The following CCDC91 variants were observed in gnomAD, a reference collection of about 807,000 sequenced individuals.
CCDC91 encodes coiled-coil domain containing 91.
In CCDC91, 48 loss-of-function variants were observed where a neutral mutation model predicts 63.2. That is an observed-to-expected ratio of 0.76 (90% CI 0.60 to 0.97). The LOEUF is 0.97. Ranked by LOEUF, CCDC91 falls within the 50% of genes least tolerant of loss-of-function variation. CCDC91 has a pLI of 0.00. For synonymous variants in CCDC91, 167 were observed against 165.8 expected, an observed-to-expected ratio of 1.01 and a Z score of -0.06; for missense variants, 500 against 494.6, an observed-to-expected ratio of 1.01 and a Z score of -0.10.
intron 1 of CCDC91, among the ~76,000 whole-genome samples, chr12:28,200,548 C>G (rs2121437077): frequency 6.8e-6 from 1 of 146,322 alleles, no homozygotes; most frequent in African/African-American, 2.5e-5. Flanking sequence ...CGCCCTTAAT[C>G]CATTTAACCC....
intron 12 of CCDC91, among the ~76,000 whole-genome samples, chr12:28,535,873 C>CA (rs1197445986): frequency 1.3e-5 from 2 of 151,738 alleles, no homozygotes; most frequent in Non-Finnish European, 2.9e-5. Context: ...CTAAAAAATA[C>CA]AAAAATTTAG....
At chr12:28,202,424 T>C (rs1445293237) in intron 1 of CCDC91, among the ~76,000 whole-genome samples, 1 of 152,264 alleles carries the variant, frequency 6.6e-6, no homozygotes, top group Non-Finnish European at 1.5e-5. Flanking sequence ...TTTCTTCTTG[T>C]TGCTGCTCTT....
At chr12:28,235,802 T>G (rs1944904569) in intron 1 of CCDC91, among the ~76,000 whole-genome samples, 1 of 143,830 alleles carries the variant, frequency 7.0e-6, no homozygotes, top group Admixed American at 6.9e-5. Context: ...TTTATAAGTA[T>G]TTTTTTTTTT....
At chr12:28,364,858 C>A (rs1434872881) in intron 7 of CCDC91, among the ~76,000 whole-genome samples, 1 of 152,038 alleles carries the variant, frequency 6.6e-6, no homozygotes. Context: ...TACCTTTTTT[C>A]CATATTATTA....
At chr12:28,462,232 A>G (rs1452681972) in intron 11 of CCDC91, among the ~76,000 whole-genome samples, 2 of 152,132 alleles carry the variant, frequency 1.3e-5, no homozygotes, top group Admixed American at 1.3e-4. Flanking sequence ...ACCATTGTGG[A>G]ACAGAACATG....
chr12:28,323,842 T>C (rs1458782423), intron 6 of CCDC91, among the ~76,000 whole-genome samples: 1 of 151,864 alleles, frequency 6.6e-6, no homozygotes, highest in Admixed American at 6.6e-5. Context: ...TAACATGACC[T>C]GTGTGAAAAA....
intron 8 of CCDC91, among the ~76,000 whole-genome samples, chr12:28,431,159 G>T (rs73085939): frequency 0.013 from 1,961 of 152,162 alleles, 13 homozygotes; most frequent in Middle Eastern, 0.017. Context: ...CTACTATTGG[G>T]TGAGTTTCCA....
chr12:28,441,237 A>G (rs2140213582), intron 8 of CCDC91, among the ~76,000 whole-genome samples: 1 of 152,156 alleles, frequency 6.6e-6, no homozygotes, highest in Admixed American at 6.5e-5. Flanking sequence ...AATTTAACAG[A>G]CTGAAATCAC....
chr12:28,323,717 G>A (rs993911391), intron 6 of CCDC91, among the ~76,000 whole-genome samples: 1 of 151,798 alleles, frequency 6.6e-6, no homozygotes, highest in African/African-American at 2.4e-5. Context: ...TATTTTTAGG[G>A]GGAAGTCATT....
chr12:28,354,973 A>G (rs1314984540), intron 6 of CCDC91, among the ~76,000 whole-genome samples: 1 of 151,876 alleles, frequency 6.6e-6, no homozygotes. Flanking sequence ...AGGATTGCAA[A>G]CTTTGCTCTT....
At chr12:28,439,868 A>G (rs549766681) in intron 8 of CCDC91, among the ~76,000 whole-genome samples, 1 of 150,546 alleles carries the variant, frequency 6.6e-6, no homozygotes, top group South Asian at 2.1e-4. Context: ...GAGTGCCTTT[A>G]TTTTAGGTTA....
rs186241962 is a variant in CCDC91 at position 28,435,203 on chromosome 12, C to T, written c.763-14958C>T. On this transcript the variant is annotated intron_variant, in intron 8 of 12. Coordinates refer to ENST00000536442, the MANE Select transcript of CCDC91 (RefSeq NM_018318.5). Reference sequence around the variant, plus strand: ...ACTTTAATTTGCTCCTCTTTTTCTCCTAAAATGAAAGCTAAGATTATTGAT... The same window carrying T: ...ACTTTAATTTGCTCCTCTTTTTCTCTTAAAATGAAAGCTAAGATTATTGAT... Among the ~76,000 whole-genome samples, 26 of 151,480 alleles carry T rather than the reference C, an allele frequency of 1.7e-4. No individual in the cohort carries two copies. In the East Asian group the frequency reaches 3.7e-3, roughly 21 times the overall value.
chr12:28,219,198 A>G (rs186106626), intron 1 of CCDC91, among the ~76,000 whole-genome samples: 3 of 152,262 alleles, frequency 2.0e-5, no homozygotes, highest in East Asian at 1.9e-4. Flanking sequence ...CTAATTTCTA[A>G]TGATGTTGTA....
chr12:28,468,244 G>A (rs1950637662), intron 11 of CCDC91, among the ~76,000 whole-genome samples: 1 of 150,944 alleles, frequency 6.6e-6, no homozygotes, highest in Non-Finnish European at 1.5e-5. Context: ...TGAAAAAGGA[G>A]ACACTACATC....
intron 12 of CCDC91, among the ~76,000 whole-genome samples, chr12:28,518,561 C>T (rs1253850646): frequency 1.3e-5 from 2 of 151,860 alleles, no homozygotes; most frequent in Non-Finnish European, 2.9e-5. Context: ...AGTCCTTTGT[C>T]AGATGTATAG....
At chr12:28,202,378 G>A (rs1349331461) in intron 1 of CCDC91, among the ~76,000 whole-genome samples, 1 of 152,252 alleles carries the variant, frequency 6.6e-6, no homozygotes, top group East Asian at 1.9e-4. Flanking sequence ...AATATCTAAT[G>A]TGGTAACTCT....
At chr12:28,193,152 T>C (rs966390342) in intron 1 of CCDC91, among the ~76,000 whole-genome samples, 7 of 152,224 alleles carry the variant, frequency 4.6e-5, no homozygotes, top group Non-Finnish European at 1.0e-4. Context: ...TGATGAACAA[T>C]TTTTGGCATT....
chr12:28,250,541 G>A (rs559925428), intron 1 of CCDC91, among the ~76,000 whole-genome samples: 2 of 152,150 alleles, frequency 1.3e-5, no homozygotes, highest in African/African-American at 4.8e-5. Context: ...TAAGATATTG[G>A]TCCTTAGGCA....
At position 28,505,218 on chromosome 12, in the gene CCDC91, C is replaced by T. The variant is rs570698596; in HGVS notation, c.1215+21053C>T. 7.2e-5 allele frequency among the ~76,000 whole-genome samples: 11 copies of T among 151,878 alleles called. No homozygotes were observed. The South Asian group carries it at 1.5e-3, about 20-fold the overall frequency. On this transcript the variant is annotated intron_variant, in intron 12 of 12. Transcript: ENST00000536442. ...TTGGGATGCGGGAAAACTAATGGAA[C>T]GCTGAATTTTGTATATGAAGTGATG...
Sources: allele counts gnomAD v4.1 joint callset (sites outside exome capture counted in the v4.1 genomes callset), GRCh38; gene constraint gnomAD v4.1.1; transcripts MANE v1.5; gene names NCBI Gene and HGNC (gene_info 2026-07-23, HGNC 2026-07-21).